Variants in TSC2 observed in about 807,000 individuals in gnomAD.
TSC2 encodes the protein TSC complex subunit 2.
Under a neutral mutation model 202.2 loss-of-function variants are expected in TSC2, and 29 were observed. That is an observed-to-expected ratio of 0.14 (90% confidence interval 0.11 to 0.20). The LOEUF is 0.20. TSC2 is among the 10% of genes least tolerant of loss of function. The pLI is 1.00. For missense variants in TSC2, 2,429 were observed against 2,420.0 expected (o/e 1.00, Z -0.08); for synonymous variants, 1,349 against 1,044.0 (o/e 1.29, Z -5.63).
chr16:2,051,889 AC>A (rs1398049918), intron 3 of TSC2, among the ~76,000 whole-genome samples: 1 of 152,100 alleles, frequency 6.6e-6, no homozygotes, highest in Non-Finnish European at 1.5e-5. Context: ...ATGTGGCAAA[AC>A]CCTGTTTCTA....
At chr16:2,081,136 C>T (rs2090093403) in intron 30 of TSC2, 2 of 275,504 alleles carry the variant, frequency 7.3e-6, no homozygotes, top group Non-Finnish European at 1.4e-5. Context: ...CAGTCCCGTT[C>T]TGAGTTCCTG....
chr16:2,072,685 C>T, intron 20 of TSC2, 164 bp from the exon 21 acceptor site: 1 of 1,179,236 alleles, frequency 8.5e-7, no homozygotes, highest in Non-Finnish European at 1.2e-6. Flanking sequence ...GCAGGCACTC[C>T]CACCACTCCG....
rs149860212 is a variant in TSC2, at chr16:2,074,317, G to T, written c.2473G>T (p.Val825Phe). The T allele has an allele frequency of 6.2e-7, 1 of 1,613,060 alleles. No homozygotes were observed. The highest frequency in any genetic ancestry group is 8.5e-7 in the Non-Finnish European group (1 of 1,180,036). Reference sequence around the variant, plus strand: ...TGACATCATCATCAAGGCGCTGCCTGTTCTGGTGGTGAAGCTCACGCACAT... The same window carrying T: ...TGACATCATCATCAAGGCGCTGCCTTTTCTGGTGGTGAAGCTCACGCACAT... ...MPDIIIKALP[V>F]LVVKLTHISA... The change falls in exon 22 of 42, where the codon GTT (valine) becomes TTT (phenylalanine). Residue 825 changes from valine (V) to phenylalanine (F), a missense_variant. Coordinates refer to ENST00000219476, the MANE Select transcript of TSC2 (RefSeq NM_000548.5).
In TSC2 at chr16:2,085,191, C is replaced by T. The variant is rs184109257; in HGVS notation, c.4570-39C>T. On this transcript the variant is annotated intron_variant, in intron 35 of 41. Coordinates refer to ENST00000219476, the MANE Select transcript of TSC2 (RefSeq NM_000548.5). ...CCTGGGTGGGGCGGCCTCCTGTGGACGGGCGTCTGGGGCTCAGGCAGGGCT... is the reference window on the plus strand; with the variant it reads ...CCTGGGTGGGGCGGCCTCCTGTGGATGGGCGTCTGGGGCTCAGGCAGGGCT... The T allele has an allele frequency of 1.2e-4, 186 of 1,611,610 alleles. 2 individuals are homozygous for T. Among genetic ancestry groups the T allele is most frequent in the East Asian group, 1.1e-3 (50 of 44,848 alleles).
At chr16:2,077,432 G>A (rs1244887826) in intron 25 of TSC2, 166 bp from the exon 26 acceptor site, 4 of 967,944 alleles carry the variant, frequency 4.1e-6, no homozygotes, top group South Asian at 3.0e-5. Flanking sequence ...TCTCTTCCCC[G>A]CTAACTGCCC....
rs757347786 is a variant in TSC2 at position 2,072,362 on chromosome 16, T to C, written c.2219T>C (p.Met740Thr). The C allele has an allele frequency of 3.1e-6, 5 of 1,613,962 alleles. No homozygotes were observed. The East Asian group carries it at 1.1e-4, about 36-fold the overall frequency. The change falls in exon 20 of 42, where the codon ATG (methionine) becomes ACG (threonine). Residue 740 changes from methionine (M) to threonine (T), a missense_variant and splice_region_variant. Physicochemically the swap from Met to Thr is moderately conservative, Grantham distance 81 (BLOSUM62 -1). Coordinates refer to ENST00000219476, the MANE Select transcript of TSC2 (RefSeq NM_000548.5). ...CAGCTGTGCTCTGCTCTCTGCTCCA[T>C]GGTACCATGGCCGGCCTGGGGTTGG... ...VDQLCSALCS[M>T]LSGPKTLERL...
Position 2,062,606 on chromosome 16 carries a change from G to T in TSC2, c.1361+6G>T. 6.2e-7 allele frequency: 1 copy of T among 1,601,902 alleles called. No individual in the cohort carries two copies. The highest frequency in any genetic ancestry group is 1.1e-5 in the South Asian group (1 of 89,140). On this transcript the variant is annotated splice_donor_region_variant and intron_variant, in intron 13 of 41. Coordinates refer to ENST00000219476, the MANE Select transcript of TSC2 (RefSeq NM_000548.5). ...CTGATGGAGAGATTCTTCAGGTAGGGGGTCCTCTGTAGCCTTGCCTGGCAC... is the reference window on the plus strand; with the variant it reads ...CTGATGGAGAGATTCTTCAGGTAGGTGGTCCTCTGTAGCCTTGCCTGGCAC...
chr16:2,054,726 T>A (rs1205558278), intron 5 of TSC2: 2 of 511,002 alleles, frequency 3.9e-6, no homozygotes, highest in Non-Finnish European at 7.1e-6. Flanking sequence ...GCGAGTTCTG[T>A]CACTGGGAGG....
rs201038907 is a variant in TSC2, at chr16:2,085,277, A to G, written c.4617A>G (p.Ser1539=). Residue 1539 remains serine (S), a synonymous_variant, in exon 36 of 42, where the codon TCA becomes TCG. Coordinates refer to ENST00000219476, the MANE Select transcript of TSC2 (RefSeq NM_000548.5). The part of the protein sequence containing the change: ...RSVQLLDQIP[S]YDTHKIAVLY... ...TGCAGCTCCTCGACCAGATCCCATC[A>G]TACGACACCCACAAGATCGCCGTCC... is the stretch of plus-strand genomic sequence containing the variant. 3.5e-5 allele frequency: 57 copies of G among 1,612,626 alleles called. No individual in the cohort carries two copies. Among genetic ancestry groups the G allele is most frequent in the Non-Finnish European group, 4.4e-5 (52 of 1,179,942 alleles).
rs199999832 is a variant in TSC2, at chr16:2,087,952, G to A, written c.5068+11G>A. The A allele has an allele frequency of 5.6e-6, 9 of 1,604,858 alleles. No individual in the cohort carries two copies. In the African/African-American group the frequency reaches 1.1e-4, roughly 19 times the overall value. On this transcript the variant is annotated intron_variant, in intron 39 of 41. Coordinates refer to ENST00000219476, the MANE Select transcript of TSC2 (RefSeq NM_000548.5). ...TGCAGTGCAGGAAAGGTAGGGCCGG[G>A]TGGGGCCCTGCAGTGCAGGAAAGGT... is the stretch of plus-strand genomic sequence containing the variant.
At chr16:2,070,796 C>T (rs922436863) in intron 17 of TSC2, among the ~76,000 whole-genome samples, 3 of 152,212 alleles carry the variant, frequency 2.0e-5, no homozygotes, top group South Asian at 4.1e-4. Context: ...CTAAGCCGCA[C>T]GGTGACATGG....
chr16:2,048,832 T>C lies in TSC2; in HGVS notation c.138+79T>C, dbSNP rs910806320. 1.9e-5 allele frequency: 30 copies of C among 1,601,354 alleles called. No homozygotes were observed. In the Admixed American group the frequency reaches 3.5e-4, roughly 19 times the overall value. The stretch of plus-strand genomic sequence containing the variant: ...GGGTTTGGTCTTGCACCAGGTTCTG[T>C]GGGAGACGGGTTGCTGGCAACTGTC... On this transcript the variant is annotated intron_variant, in intron 2 of 41. Coordinates refer to ENST00000219476, the MANE Select transcript of TSC2 (RefSeq NM_000548.5).
At chr16:2,060,615 TCCCACA>T in intron 10 of TSC2, 49 bp from the exon 11 acceptor site, 1 of 1,612,806 alleles carries the variant, frequency 6.2e-7, no homozygotes, top group Non-Finnish European at 8.5e-7. Flanking sequence ...TGGGAGGGCG[TCCCACA>T]GCAAGCAAGC....
At position 2,070,565 on chromosome 16, in the gene TSC2, G is replaced by T; in HGVS notation, c.1826G>T (p.Ser609Ile). The change falls in exon 17 of 42, where the codon AGC (serine) becomes ATC (isoleucine). Residue 609 changes from serine (S) to isoleucine (I), a missense_variant. Ser to Ile is a moderately radical substitution (Grantham distance 142). Coordinates refer to ENST00000219476, the MANE Select transcript of TSC2 (RefSeq NM_000548.5). ...KHSYTLPIAS[S>I]IRLQAFDFLL... is the part of the protein sequence containing the mutation. ...AGCTACACCCTGCCAATCGCGAGCA[G>T]CATCCGGCTGCAGGTATGGTGGCTG... is the stretch of plus-strand genomic sequence containing the variant. 1 of 1,613,124 alleles carries T rather than the reference G, an allele frequency of 6.2e-7. No individual in the cohort carries two copies. Among genetic ancestry groups the T allele is most frequent in the Non-Finnish European group, 8.5e-7 (1 of 1,180,028 alleles).
chr16:2,055,353 G>T, intron 5 of TSC2, 49 bp from the exon 6 acceptor site: 1 of 1,442,016 alleles, frequency 6.9e-7, no homozygotes. Context: ...GAGGTGAGTG[G>T]GAGATGTAGA....
In TSC2 at chr16:2,079,184, C is replaced by T. The variant is rs2089807202; in HGVS notation, c.3119C>T (p.Ala1040Val). Residue 1040 changes from alanine (A) to valine (V), a missense_variant, in exon 27 of 42, where the codon GCT becomes GTT. Physicochemically the swap from Ala to Val is moderately conservative, Grantham distance 64 (BLOSUM62 0). Coordinates refer to ENST00000219476, the MANE Select transcript of TSC2 (RefSeq NM_000548.5). The surrounding 1 kb of genome is among the most constrained non-coding windows in gnomAD (Gnocchi z 4.6). ...MARYVFSNFT[A>V]VPKRSPVGEF... The stretch of plus-strand genomic sequence containing the variant: ...CGATACGTCTTCTCCAACTTCACGG[C>T]TGTCCCGAAGAGGTCCAGGCGGCAC... 1 of 1,612,846 alleles carries T rather than the reference C, an allele frequency of 6.2e-7. No individual in the cohort carries two copies. The highest frequency in any genetic ancestry group is 1.3e-5 in the African/African-American group (1 of 74,938).
In TSC2 at chr16:2,055,395, C is replaced by T; in HGVS notation, c.482-7C>T. 1 of 1,613,186 alleles carries T rather than the reference C, an allele frequency of 6.2e-7. No homozygotes were observed. The highest frequency in any genetic ancestry group is 1.1e-5 in the South Asian group (1 of 91,050). On this transcript the variant is annotated splice_polypyrimidine_tract_variant and splice_region_variant and intron_variant, in intron 5 of 41. Coordinates refer to ENST00000219476, the MANE Select transcript of TSC2 (RefSeq NM_000548.5). ...GTCCTCGCAAACTGCCGCCGCTTCT[C>T]CCCCAGCTGACTTTGTCCTGCAGTG... is the stretch of plus-strand genomic sequence containing the variant.
At chr16:2,080,666 A>G (rs1343807817) in intron 30 of TSC2, 2 of 419,332 alleles carry the variant, frequency 4.8e-6, no homozygotes, top group Admixed American at 3.6e-5. Flanking sequence ...TTGTATTTCT[A>G]GTAGAGATGG....
chr16:2,057,482 C>T (rs868098089), intron 9 of TSC2, among the ~76,000 whole-genome samples: 8 of 152,240 alleles, frequency 5.3e-5, no homozygotes, highest in Non-Finnish European at 7.4e-5. Flanking sequence ...CTTGGCTTGA[C>T]GTTGCCCTTG....
Sources: gnomAD v4.1 joint callset for allele counts (sites outside exome capture counted in the v4.1 genomes callset) on GRCh38, gnomAD v4.1.1 for gene constraint, Gnocchi (gnomAD v3.1) non-coding constraint, MANE v1.5 for transcripts, NCBI Gene and HGNC (gene_info 2026-07-23, HGNC 2026-07-21) for gene names.